The following ASB2 variants were observed in gnomAD, a reference collection of about 807,000 sequenced individuals.
ASB2 encodes the protein ankyrin repeat and SOCS box protein 2.
ASB2 carries 58 observed loss-of-function variants against 62.4 expected under a neutral mutation model. The observed-to-expected ratio is 0.93, with a 90% CI of 0.75 to 1.16. ASB2 has a LOEUF of 1.16. Ranked by LOEUF, ASB2 falls within the 50% of genes most tolerant of loss-of-function variation. The probability of loss-of-function intolerance (pLI) is 0.00; values close to 1 mark genes in which losing one functional copy is unlikely to be tolerated. For synonymous variants in ASB2, 386 were observed against 385.3 expected (o/e 1.00, Z -0.02); for missense variants, 928 against 887.9 (o/e 1.05, Z -0.57).
intron 9 of ASB2, among the ~76,000 whole-genome samples, chr14:93,937,041 G>A (rs951531122): frequency 2.0e-5 from 3 of 152,208 alleles, no homozygotes; most frequent in Admixed American, 6.5e-5. Flanking sequence ...GCCTGGCACA[G>A]TTCAGGCGGG....
chr14:93,965,962 T>C (rs761173097), intron 1 of ASB2, among the ~76,000 whole-genome samples: 4 of 152,250 alleles, frequency 2.6e-5, no homozygotes, highest in Non-Finnish European at 5.9e-5. Context: ...CCCAACCTCC[T>C]CAGAGGAGCC....
intron 1 of ASB2, among the ~76,000 whole-genome samples, chr14:93,968,503 T>C (rs1595335470): frequency 6.6e-6 from 1 of 152,200 alleles, no homozygotes; most frequent in Non-Finnish European, 1.5e-5. Flanking sequence ...TCCAATGCTC[T>C]TTCTGGCAAT....
chr14:93,968,048 C>G (rs1022465972), intron 1 of ASB2, among the ~76,000 whole-genome samples: 6 of 152,206 alleles, frequency 3.9e-5, no homozygotes, highest in Non-Finnish European at 8.8e-5. Context: ...CTCATCATCT[C>G]CAGGCAGCTG....
chr14:93,941,840 C>T, intron 7 of ASB2: 1 of 382,650 alleles, frequency 2.6e-6, no homozygotes, highest in South Asian at 1.9e-5. Flanking sequence ...GGTGAATCAT[C>T]TTACTGCGGC....
chr14:93,939,723 G>C (rs546807117), intron 7 of ASB2, 51 bp from the exon 8 acceptor site: 20 of 1,306,284 alleles, frequency 1.5e-5, no homozygotes, highest in East Asian at 3.1e-5. Flanking sequence ...GGGTGTGGAC[G>C]GGTAGGGCCG....
chr14:93,941,739 T>C (rs936256924), intron 7 of ASB2: 1 of 454,710 alleles, frequency 2.2e-6, no homozygotes, highest in Middle Eastern at 3.3e-4. Context: ...GGCTGGTATC[T>C]CTGGCAGGTC....
At position 93,964,580 on chromosome 14, in the gene ASB2, A is replaced by G; in HGVS notation, c.-41T>C. 6.6e-7 allele frequency: 1 copy of G among 1,519,652 alleles called. No individual in the cohort carries two copies. The highest frequency in any genetic ancestry group is 8.8e-7 in the Non-Finnish European group (1 of 1,132,196). 94.1% of individuals were successfully genotyped at this position (1,519,652 alleles called of 1,614,324 possible). On this transcript the variant is annotated 5_prime_UTR_variant, in exon 2 of 10. Transcript: ENST00000555019. ...ACCCTGGCCTCCAGAACAGACACCC[A>G]GTGGGGAGGAGGGAACAGCAAATCA...
chr14:93,945,398 A>T (rs1888686248), intron 7 of ASB2, among the ~76,000 whole-genome samples: 1 of 151,822 alleles, frequency 6.6e-6, no homozygotes, highest in African/African-American at 2.4e-5. Flanking sequence ...CATGGAATGC[A>T]CTCTCCCTAA....
intron 5 of ASB2, among the ~76,000 whole-genome samples, 163 bp from the exon 6 acceptor site, chr14:93,951,407 A>T (rs1888966689): frequency 6.6e-6 from 1 of 152,240 alleles, no homozygotes; most frequent in African/African-American, 2.4e-5. Context: ...AGGCGACTAA[A>T]AGTAATACTG....
Position 93,949,266 on chromosome 14 carries a change from G to A in ASB2, c.880+1733C>T, listed in dbSNP as rs145453469. On this transcript the variant is annotated intron_variant, in intron 6 of 9. Transcript: ENST00000555019. Reference sequence around the variant, plus strand: ...TGGTAATTTATTATTTTTGATGATGGTGTGACCAGTTTCTGATCCAGCGGA... The same window carrying A: ...TGGTAATTTATTATTTTTGATGATGATGTGACCAGTTTCTGATCCAGCGGA... Among the ~76,000 whole-genome samples the A allele has an allele frequency of 5.9e-5, 9 of 152,282 alleles. No individual in the cohort carries two copies. The East Asian group carries it at 1.7e-3, about 29-fold the overall frequency.
At chr14:93,950,276 A>G (rs1372662856) in intron 6 of ASB2, among the ~76,000 whole-genome samples, 1 of 152,212 alleles carries the variant, frequency 6.6e-6, no homozygotes, top group African/African-American at 2.4e-5. Flanking sequence ...TGGAGAGAGA[A>G]AAGAAATCAA....
intron 7 of ASB2, chr14:93,940,393 G>A (rs1171710560): frequency 6.6e-6 from 1 of 152,232 alleles, no homozygotes; most frequent in East Asian, 1.9e-4. Context: ...TCAGAATAGG[G>A]GAACCAGGGT....
chr14:93,939,264 C>G lies in ASB2; in HGVS notation c.1461G>C (p.Lys487Asn). The G allele has an allele frequency of 3.7e-6, 6 of 1,610,040 alleles. No individual in the cohort carries two copies. Among genetic ancestry groups the G allele is most frequent in the Non-Finnish European group, 5.1e-6 (6 of 1,177,262 alleles). ...TGAGGAACTTGAGCAGCGACAGGCACTTCATGGCGAACATGATGGTGGCGG... is the reference window on the plus strand; with the variant it reads ...TGAGGAACTTGAGCAGCGACAGGCAGTTCATGGCGAACATGATGGTGGCGG... ...AFPATIMFAM[K>N]CLSLLKFLMD... The change falls in exon 8 of 10, where the codon AAG (lysine) becomes AAC (asparagine). Residue 487 changes from lysine to asparagine, a missense_variant. Coordinates refer to ENST00000555019, the MANE Select transcript of ASB2 (RefSeq NM_001202429.2).
intron 1 of ASB2, among the ~76,000 whole-genome samples, chr14:93,965,269 T>C (rs1889553110): frequency 6.6e-6 from 1 of 152,256 alleles, no homozygotes; most frequent in African/African-American, 2.4e-5. Context: ...TTCTAAGCAC[T>C]GAGGATACAA....
At chr14:93,956,615 G>A in intron 3 of ASB2, 151 bp downstream of exon 3, 2 of 1,050,168 alleles carry the variant, frequency 1.9e-6, no homozygotes, top group East Asian at 5.2e-5. Context: ...TGGGGCCCCA[G>A]GGGGGCACCC....
chr14:93,970,440 C>T (rs1889727854), intron 1 of ASB2, among the ~76,000 whole-genome samples: 1 of 152,148 alleles, frequency 6.6e-6, no homozygotes, highest in South Asian at 2.1e-4. Context: ...AGGAAGCCTC[C>T]CTGATGGCTG....
chr14:93,945,926 C>T (rs751659421), intron 7 of ASB2, among the ~76,000 whole-genome samples: 1 of 152,146 alleles, frequency 6.6e-6, no homozygotes, highest in Non-Finnish European at 1.5e-5. Flanking sequence ...TGTGTTTCCC[C>T]AAGTGTCATC....
chr14:93,961,988 T>TGGGCACA (rs1889422072), intron 2 of ASB2, among the ~76,000 whole-genome samples: 1 of 151,904 alleles, frequency 6.6e-6, no homozygotes, highest in Non-Finnish European at 1.5e-5. Context: ...GTCTGTAAAA[T>TGGGCACA]GGGCACAGAA....
At chr14:93,942,039 C>T (rs1156899751) in intron 7 of ASB2, among the ~76,000 whole-genome samples, 1 of 152,180 alleles carries the variant, frequency 6.6e-6, no homozygotes, top group African/African-American at 2.4e-5. Context: ...CAGGGCCAAG[C>T]CTTCTACGAT....
Sources: gnomAD v4.1 joint callset for allele counts (sites outside exome capture counted in the v4.1 genomes callset) on GRCh38, gnomAD v4.1.1 for gene constraint, MANE v1.5 for transcripts, NCBI Gene and HGNC (gene_info 2026-07-23, HGNC 2026-07-21) for gene names.